ADAMTS7: variants seen among roughly 807,000 people sequenced by gnomAD.
ADAMTS7 encodes the protein ADAM metallopeptidase with thrombospondin type 1 motif 7.
ADAMTS7 carries 89 observed loss-of-function variants against 172.6 expected under a neutral mutation model. That is an observed-to-expected ratio of 0.52 (90% CI 0.43 to 0.61). The LOEUF (loss-of-function observed/expected upper bound fraction) is 0.61. Ranked by LOEUF, ADAMTS7 falls within the 20% of genes least tolerant of loss-of-function variation. The pLI, the probability that ADAMTS7 is intolerant of heterozygous loss-of-function variation, is 0.00. For missense variants in ADAMTS7, 1,973 were observed against 2,355.6 expected, an observed-to-expected ratio of 0.84 and a Z score of 3.36; for synonymous variants, 885 against 978.4, an observed-to-expected ratio of 0.90 and a Z score of 1.78.
At chr15:78,777,976 A>G (rs113151143) in intron 8 of ADAMTS7, among the ~76,000 whole-genome samples, 3,308 of 152,258 alleles carry the variant, frequency 0.022, 112 homozygotes, top group African/African-American at 0.076. Context: ...TCCGGAGAAC[A>G]TCACATCACA....
Position 78,788,313 on chromosome 15 carries a change from T to G in ADAMTS7, c.1240A>C (p.Ile414Leu), listed in dbSNP as rs371679235. Residue 414 changes from isoleucine (I) to leucine (L), a missense_variant, in exon 8 of 24, where the codon ATC (isoleucine) becomes CTC (leucine). Ile to Leu is a conservative substitution (Grantham distance 5). Coordinates refer to ENST00000388820, the MANE Select transcript of ADAMTS7 (RefSeq NM_014272.5). ...TCGTACAGGAGCTGTGGAGACATGA[T>G]GAAAGGTCGTTTCCCAACGGGCTCA... ...DCEPVGKRPF[I>L]MSPQLLYDAA... 2 of 1,613,646 alleles carry G rather than the reference T, an allele frequency of 1.2e-6. No individual in the cohort carries two copies. Among genetic ancestry groups the G allele is most frequent in the Non-Finnish European group, 1.7e-6 (2 of 1,179,994 alleles).
At chr15:78,784,041 G>A (rs1476087395) in intron 8 of ADAMTS7, among the ~76,000 whole-genome samples, 1 of 152,128 alleles carries the variant, frequency 6.6e-6, no homozygotes, top group Admixed American at 6.5e-5. Context: ...TAGAAGGATT[G>A]TAAAGTATAG....
At chr15:78,788,902 A>C (rs1371777280) in intron 7 of ADAMTS7, among the ~76,000 whole-genome samples, 1 of 152,224 alleles carries the variant, frequency 6.6e-6, no homozygotes, top group Non-Finnish European at 1.5e-5. Context: ...CACTTTCAGA[A>C]ACACAATCTC....
intron 16 of ADAMTS7, 129 bp from the exon 17 acceptor site, chr15:78,768,388 C>T: frequency 2.2e-6 from 3 of 1,368,002 alleles, no homozygotes; most frequent in Non-Finnish European, 3.0e-6. Flanking sequence ...CCTTACTGCC[C>T]ATGTCAGGAT....
chr15:78,800,130 A>G (rs2055698945), intron 2 of ADAMTS7, 62 bp downstream of exon 2: 2 of 1,433,186 alleles, frequency 1.4e-6, no homozygotes, highest in African/African-American at 2.9e-5. Flanking sequence ...GCAAGGCTAG[A>G]GCCAATCTGC....
intron 1 of ADAMTS7, among the ~76,000 whole-genome samples, chr15:78,806,640 C>T (rs942363729): frequency 2.6e-5 from 4 of 152,000 alleles, no homozygotes; most frequent in South Asian, 2.1e-4. Context: ...GTCAAGGAGA[C>T]GAAAATGACA....
At chr15:78,782,469 C>T (rs1479631925) in intron 8 of ADAMTS7, among the ~76,000 whole-genome samples, 1 of 148,560 alleles carries the variant, frequency 6.7e-6, no homozygotes, top group African/African-American at 2.5e-5. Flanking sequence ...CTGCTTAAGC[C>T]CCACAGTGAG....
intron 14 of ADAMTS7, among the ~76,000 whole-genome samples, chr15:78,772,820 T>A (rs79632213): frequency 1.2e-5 from 1 of 80,728 alleles, no homozygotes; most frequent in East Asian, 5.2e-4. Context: ...TACCATTCTT[T>A]GGAAGGCCAA....
At chr15:78,770,883 T>C (rs1470018813) in intron 16 of ADAMTS7, 1 of 486,936 alleles carries the variant, frequency 2.1e-6, no homozygotes, top group Admixed American at 3.4e-5. Flanking sequence ...GACTGGTCTA[T>C]CGAGGGGGAG....
In ADAMTS7 at chr15:78,766,814, C is replaced by G; in HGVS notation, c.3097G>C (p.Ala1033Pro). 6.2e-7 allele frequency: 1 copy of G among 1,610,188 alleles called. No homozygotes were observed. The highest frequency in any genetic ancestry group is 1.3e-5 in the African/African-American group (1 of 74,970). The change falls in exon 19 of 24, where the codon GCC becomes CCC. Residue 1033 changes from alanine to proline, a missense_variant. Transcript: ENST00000388820. ...PHHLAPRPSP[A>P]SSPKPGTMGN... Reference sequence around the variant, plus strand: ...ATGGTGCCTGGCTTGGGTGATGAGGCGGGTGAAGGGCGTGGGGCCAGGTGG... The same window carrying G: ...ATGGTGCCTGGCTTGGGTGATGAGGGGGGTGAAGGGCGTGGGGCCAGGTGG...
chr15:78,765,311 A>G (rs1424587752), intron 19 of ADAMTS7, among the ~76,000 whole-genome samples: 1 of 152,232 alleles, frequency 6.6e-6, no homozygotes, highest in African/African-American at 2.4e-5. Context: ...CAGCCTGGAG[A>G]AGCCAGGTCC....
At chr15:78,801,502 G>T (rs1473822926) in intron 1 of ADAMTS7, among the ~76,000 whole-genome samples, 2 of 152,024 alleles carry the variant, frequency 1.3e-5, no homozygotes, top group African/African-American at 4.8e-5. Context: ...CTCCTCTAAC[G>T]ACTTTATTTT....
chr15:78,767,101 G>C, intron 18 of ADAMTS7, 50 bp from the exon 19 acceptor site: 1 of 1,504,878 alleles, frequency 6.6e-7, no homozygotes, highest in African/African-American at 1.4e-5. Flanking sequence ...CAGGCTGCCA[G>C]GGGACGCTGG....
chr15:78,800,308 C>T lies in ADAMTS7; in HGVS notation c.340G>A (p.Gly114Ser), dbSNP rs1350921842. The T allele has an allele frequency of 1.9e-6, 3 of 1,589,484 alleles. No individual in the cohort carries two copies. Among genetic ancestry groups the T allele is most frequent in the South Asian group, 2.2e-5 (2 of 89,572 alleles). The change falls in exon 2 of 24, where the codon GGC becomes AGC. Residue 114 changes from glycine (G) to serine (S), a missense_variant. Around this residue, in one of 8 missense-constraint regions of ADAMTS7, gnomAD observed 306 missense variants for 288.0 expected, o/e 1.06. Coordinates refer to ENST00000388820, the MANE Select transcript of ADAMTS7 (RefSeq NM_014272.5). Reference sequence around the variant, plus strand: ...CGGATGTGCGCGCGGCCCAGGCCGCCGCGCCGCCGCGTCTCGCTCACAAAG... The same window carrying T: ...CGGATGTGCGCGCGGCCCAGGCCGCTGCGCCGCCGCGTCTCGCTCACAAAG... The part of the protein sequence containing the change: ...PGFVSETRRR[G>S]GLGRAHIRAH...
Position 78,777,487 on chromosome 15 carries a change from C to A in ADAMTS7, c.1424G>T (p.Arg475Leu). 1.9e-6 allele frequency: 3 copies of A among 1,612,798 alleles called. No individual in the cohort carries two copies. Among genetic ancestry groups the A allele is most frequent in the Non-Finnish European group, 2.5e-6 (3 of 1,179,522 alleles). Reference sequence around the variant, plus strand: ...GGCAGAGTAGGCCCCGTACTGGAGGCGGCACTGGTGGCTTACATCATAGAG... The same window carrying A: ...GGCAGAGTAGGCCCCGTACTGGAGGAGGCACTGGTGGCTTACATCATAGAG... ...GVLYDVSHQC[R>L]LQYGAYSAFC... is the part of the protein sequence containing the mutation. The change falls in exon 9 of 24, where the codon CGC (arginine) becomes CTC (leucine). Residue 475 changes from arginine (R) to leucine (L), a missense_variant. Transcript: ENST00000388820.
rs113439533 is a variant in ADAMTS7, at chr15:78,760,992, G to A, written c.4903+1411C>T. ...CCCCCACTGGGATCATAACCACCCC[G>A]CTCCCTGTGGCCAGCCCTAGCCATA... On this transcript the variant is annotated intron_variant, in intron 23 of 23. Transcript: ENST00000388820. 9.2e-3 allele frequency among the ~76,000 whole-genome samples: 1,395 copies of A among 152,174 alleles called. 26 individuals carry two copies. Among genetic ancestry groups the A allele is most frequent in the African/African-American group, 0.032 (1,308 of 41,512 alleles).
chr15:78,766,460 T>G lies in ADAMTS7; in HGVS notation c.3451A>C (p.Asn1151His). 1 of 1,128,764 alleles carries G rather than the reference T, an allele frequency of 8.9e-7. No individual in the cohort carries two copies. The highest frequency in any genetic ancestry group is 1.2e-6 in the Non-Finnish European group (1 of 805,394). The allele number at this position is 1,128,764 out of a possible 1,614,324, so 69.9% of individuals were successfully genotyped here. ...PPPPSEQTPG[N>H]PLINFLPEED... ...TCAGGCAGGAAATTGATCAAAGGGT[T>G]CCCAGGGGTCTGCTCTGAGGGTGGG... The change falls in exon 19 of 24, where the codon AAC (asparagine) becomes CAC (histidine). Residue 1151 changes from asparagine (N) to histidine (H), a missense_variant. By Grantham distance (68) the Asn-to-His change is moderately conservative. Transcript: ENST00000388820.
chr15:78,766,495 C>T lies in ADAMTS7; in HGVS notation c.3416G>A (p.Arg1139His), dbSNP rs538045169. Residue 1139 changes from arginine (R) to histidine (H), a missense_variant, in exon 19 of 24, where the codon CGC becomes CAC. By Grantham distance (29) the Arg-to-His change is conservative (BLOSUM62 0). Around this residue, in one of 8 missense-constraint regions of ADAMTS7, gnomAD observed 771 missense variants for 952.6 expected, o/e 0.81. Coordinates refer to ENST00000388820, the MANE Select transcript of ADAMTS7 (RefSeq NM_014272.5). ...SPSPWPSQAG[R>H]SPPPPSEQTP... Reference sequence around the variant, plus strand: ...CTGCTCTGAGGGTGGGGGTGGGGAGCGGCCGGCCTGGCTAGGCCAAGGGCT... The same window carrying T: ...CTGCTCTGAGGGTGGGGGTGGGGAGTGGCCGGCCTGGCTAGGCCAAGGGCT... 48 of 1,567,122 alleles carry T rather than the reference C, an allele frequency of 3.1e-5. No homozygotes were observed. The highest frequency in any genetic ancestry group is 2.7e-4 in the East Asian group (12 of 44,428).
chr15:78,778,670 C>T (rs987481805), intron 8 of ADAMTS7, among the ~76,000 whole-genome samples: 15 of 152,142 alleles, frequency 9.9e-5, no homozygotes, highest in African/African-American at 3.6e-4. Context: ...ACCCGCGGGA[C>T]CTGGGGCCTC....
Sources: allele counts gnomAD v4.1 joint callset (sites outside exome capture counted in the v4.1 genomes callset), GRCh38; gene constraint gnomAD v4.1.1; regional missense constraint gnomAD v4.1.1; transcripts MANE v1.5; gene names NCBI Gene and HGNC (gene_info 2026-07-23, HGNC 2026-07-21).